Variants in MAPKAPK2 observed in about 807,000 individuals in gnomAD.
MAPKAPK2 encodes MAPK activated protein kinase 2.
MAPKAPK2 carries 9 observed loss-of-function variants against 48.8 expected under a neutral mutation model. The observed-to-expected ratio is 0.18, with a 90% CI of 0.11 to 0.32. The LOEUF is 0.32. Among genes scored for constraint, MAPKAPK2 ranks in the 10% least tolerant of loss-of-function variants. The pLI is 1.00. For missense variants in MAPKAPK2, 331 were observed against 498.3 expected, an observed-to-expected ratio of 0.66 and a Z score of 3.20; for synonymous variants, 202 against 190.6, an observed-to-expected ratio of 1.06 and a Z score of -0.49.
At chr1:206,697,202 A>G (rs1169825730) in intron 1 of MAPKAPK2, among the ~76,000 whole-genome samples, 6 of 152,114 alleles carry the variant, frequency 3.9e-5, no homozygotes, top group African/African-American at 4.8e-5. Context: ...GAGCTTGCCA[A>G]CTTTCCTACA....
intron 1 of MAPKAPK2, among the ~76,000 whole-genome samples, chr1:206,722,065 C>CA (rs11431719): frequency 0.21 from 26,579 of 125,786 alleles, 2,504 homozygotes; most frequent in South Asian, 0.34. Flanking sequence ...AACTCTATTT[C>CA]AAAAAAAAAA....
intron 1 of MAPKAPK2, among the ~76,000 whole-genome samples, chr1:206,723,818 C>T (rs1394961079): frequency 6.6e-6 from 1 of 152,220 alleles, no homozygotes; most frequent in Non-Finnish European, 1.5e-5. Context: ...TTAGGCAGCT[C>T]CCGCAGCTCC....
chr1:206,703,838 T>C (rs1278736670), intron 1 of MAPKAPK2, among the ~76,000 whole-genome samples: 1 of 152,180 alleles, frequency 6.6e-6, no homozygotes, highest in Non-Finnish European at 1.5e-5. Flanking sequence ...CTGAAGGCGT[T>C]GTAAGAAACA....
chr1:206,718,888 A>G (rs1292598658), intron 1 of MAPKAPK2, among the ~76,000 whole-genome samples: 1 of 152,178 alleles, frequency 6.6e-6, no homozygotes, highest in Non-Finnish European at 1.5e-5. Context: ...CAAAAATACT[A>G]GTTTATTTCT....
intron 1 of MAPKAPK2, among the ~76,000 whole-genome samples, chr1:206,727,039 C>T (rs1305789274): frequency 6.6e-6 from 1 of 152,144 alleles, no homozygotes; most frequent in Admixed American, 6.5e-5. Context: ...TCTGCCTGTC[C>T]ATTTCCTTCC....
In MAPKAPK2 at chr1:206,701,569, C is replaced by T. The variant is rs1368020853; in HGVS notation, c.279+16061C>T. 4.6e-5 allele frequency among the ~76,000 whole-genome samples: 7 copies of T among 152,036 alleles called. No homozygotes were observed. In the East Asian group the frequency reaches 1.3e-3, roughly 29 times the overall value. ...GTTTGTAGGGCCAGGTGCAGTGGCT[C>T]ATACCTATAATCCCAGCAGTTCATG... On this transcript the variant is annotated intron_variant, in intron 1 of 9. Transcript: ENST00000367103.
At chr1:206,729,944 T>C (rs782177185) in intron 4 of MAPKAPK2, 28 bp from the exon 5 acceptor site, 1 of 1,614,092 alleles carries the variant, frequency 6.2e-7, no homozygotes, top group Non-Finnish European at 8.5e-7. Context: ...CCAGCAGGGT[T>C]GCTATTTTTC....
At chr1:206,695,857 T>G in intron 1 of MAPKAPK2, 1 of 525,320 alleles carries the variant, frequency 1.9e-6, no homozygotes, top group South Asian at 2.0e-5. Flanking sequence ...CCCCCCTTCC[T>G]GCGGGTGCTG....
Position 206,729,443 on chromosome 1 carries a change from C to T in MAPKAPK2, c.532C>T (p.His178Tyr). 1 of 1,614,178 alleles carries T rather than the reference C, an allele frequency of 6.2e-7. No individual in the cohort carries two copies. The highest frequency in any genetic ancestry group is 8.5e-7 in the Non-Finnish European group (1 of 1,179,996). Reference sequence around the variant, plus strand: ...CATCGGTGAGGCCATCCAGTATCTGCATTCAATCAACATTGCCCATCGGGA... The same window carrying T: ...CATCGGTGAGGCCATCCAGTATCTGTATTCAATCAACATTGCCCATCGGGA... The part of the protein sequence containing the change: ...KSIGEAIQYL[H>Y]SINIAHRDVK... Residue 178 changes from histidine (H) to tyrosine (Y), a missense_variant, in exon 4 of 10, where the codon CAT becomes TAT. Around this residue, in one of 4 missense-constraint regions of MAPKAPK2, gnomAD observed 111 missense variants for 193.6 expected, o/e 0.57. Coordinates refer to ENST00000367103, the MANE Select transcript of MAPKAPK2 (RefSeq NM_032960.4).
intron 1 of MAPKAPK2, among the ~76,000 whole-genome samples, chr1:206,724,999 C>T (rs972915093): frequency 1.5e-5 from 2 of 129,214 alleles, no homozygotes; most frequent in Non-Finnish European, 3.7e-5. Flanking sequence ...GAAACCCTTT[C>T]CAGAAAGATA....
intron 1 of MAPKAPK2, among the ~76,000 whole-genome samples, chr1:206,725,099 G>A (rs782334648): frequency 9.8e-5 from 15 of 152,330 alleles, no homozygotes; most frequent in Middle Eastern, 3.4e-3. Context: ...TGCTACATCC[G>A]TCTCCTCTAA....
At chr1:206,711,000 G>A (rs902416810) in intron 1 of MAPKAPK2, among the ~76,000 whole-genome samples, 2 of 152,080 alleles carry the variant, frequency 1.3e-5, no homozygotes, top group Non-Finnish European at 2.9e-5. Context: ...TGTTTTGACC[G>A]AAATTTTTAA....
intron 1 of MAPKAPK2, among the ~76,000 whole-genome samples, chr1:206,690,091 G>A (rs1397549047): frequency 6.6e-6 from 1 of 152,202 alleles, no homozygotes; most frequent in Non-Finnish European, 1.5e-5. Flanking sequence ...GAGTGGTCAG[G>A]GGTTGGTGGC....
Position 206,731,168 on chromosome 1 carries a change from C to G in MAPKAPK2, c.798C>G (p.Asn266Lys). The change falls in exon 7 of 10, where the codon AAC (asparagine) becomes AAG (lysine). Residue 266 changes from asparagine (N) to lysine (K), a missense_variant. Around this residue, in one of 4 missense-constraint regions of MAPKAPK2, gnomAD observed 124 missense variants for 194.6 expected, o/e 0.64. Coordinates refer to ENST00000367103, the MANE Select transcript of MAPKAPK2 (RefSeq NM_032960.4). The surrounding 1 kb of genome is among the most constrained non-coding windows in gnomAD (Gnocchi z 5.9). ...GTGGGTATCCCCCCTTCTACTCCAA[C>G]CACGGCCTTGCCATCTCTCCGGGCA... The part of the protein sequence containing the change: ...LLCGYPPFYS[N>K]HGLAISPGMK... 6.2e-7 allele frequency: 1 copy of G among 1,614,218 alleles called. No individual in the cohort carries two copies.
rs782169776 is a variant in MAPKAPK2 at position 206,732,616 on chromosome 1, C to T, written c.1101C>T (p.Tyr367=). 8 of 1,613,992 alleles carry T rather than the reference C, an allele frequency of 5.0e-6. No homozygotes were observed. The highest frequency in any genetic ancestry group is 3.3e-5 in the Admixed American group (2 of 60,004). Residue 367 remains tyrosine (Y), a synonymous_variant, in exon 10 of 10, where the codon TAC becomes TAT. Coordinates refer to ENST00000367103, the MANE Select transcript of MAPKAPK2 (RefSeq NM_032960.4). The surrounding 1 kb of genome is among the most constrained non-coding windows in gnomAD (Gnocchi z 4.4). ...CCTTGGCCACAATGCGCGTTGACTA[C>T]GAGCAGATCAAGATAAAAAAGATTG... ...TSALATMRVD[Y]EQIKIKKIED...
chr1:206,723,764 T>C (rs1673616707), intron 1 of MAPKAPK2, among the ~76,000 whole-genome samples: 1 of 152,218 alleles, frequency 6.6e-6, no homozygotes, highest in Non-Finnish European at 1.5e-5. Flanking sequence ...CCTGTCCTTC[T>C]TCCCCTCAGG....
chr1:206,720,146 TATGCTCC>T (rs1236694176), intron 1 of MAPKAPK2, among the ~76,000 whole-genome samples: 9 of 152,240 alleles, frequency 5.9e-5, no homozygotes, highest in African/African-American at 2.2e-4. Flanking sequence ...GCCCCAGAGA[TATGCTCC>T]ATGGCCATAG....
intron 1 of MAPKAPK2, among the ~76,000 whole-genome samples, chr1:206,689,791 C>T (rs1188068016): frequency 6.6e-6 from 1 of 152,230 alleles, no homozygotes; most frequent in Admixed American, 6.5e-5. Flanking sequence ...TTGCTAGCCA[C>T]ACTTCAAGTG....
In MAPKAPK2 at chr1:206,728,605, G is replaced by T. The variant is rs148084831; in HGVS notation, c.280-105G>T. ...GCTGGTGGGGGGGGCCAGCAGGAGT[G>T]GGGGGTTTGTGGTATGTCGGTGGCG... On this transcript the variant is annotated intron_variant, in intron 1 of 9. Coordinates refer to ENST00000367103, the MANE Select transcript of MAPKAPK2 (RefSeq NM_032960.4). 5.9e-5 allele frequency: 79 copies of T among 1,340,300 alleles called. No individual in the cohort carries two copies. In the African/African-American group the frequency reaches 9.0e-4, roughly 15 times the overall value. 83.0% of individuals were successfully genotyped at this position (1,340,300 alleles called of 1,614,324 possible).
Sources: allele counts gnomAD v4.1 joint callset (sites outside exome capture counted in the v4.1 genomes callset), GRCh38; gene constraint gnomAD v4.1.1; regional missense constraint gnomAD v4.1.1; non-coding constraint Gnocchi (gnomAD v3.1); transcripts MANE v1.5; gene names NCBI Gene and HGNC (gene_info 2026-07-23, HGNC 2026-07-21).